ASAP2: variants seen among roughly 807,000 people sequenced by gnomAD.
ASAP2 encodes the protein arf-GAP with SH3 domain, ANK repeat and PH domain-containing protein 2.
In ASAP2, 45 loss-of-function variants were observed where a neutral mutation model predicts 131.4. That is an observed-to-expected ratio of 0.34 (90% CI 0.27 to 0.44). The LOEUF is 0.44. Ranked by LOEUF, ASAP2 falls within the 20% of genes least tolerant of loss-of-function variation. The pLI is 1.00. For missense variants in ASAP2, 1,011 were observed against 1,297.0 expected (o/e 0.78, Z 3.39); for synonymous variants, 510 against 503.0 (o/e 1.01, Z -0.19).
At chr2:9,374,444 T>C (rs2709580) in intron 16 of ASAP2, among the ~76,000 whole-genome samples, 42,133 of 151,520 alleles carry the variant, frequency 0.28, 11,256 homozygotes, top group African/African-American at 0.7. Flanking sequence ...ATAAGAAGGG[T>C]GTGGAGGTGA....
intron 12 of ASAP2, among the ~76,000 whole-genome samples, chr2:9,353,192 T>C (rs1025275994): frequency 1.3e-5 from 2 of 152,142 alleles, no homozygotes; most frequent in Non-Finnish European, 2.9e-5. Flanking sequence ...TTCACCCCTC[T>C]CAGATTCCTC....
intron 22 of ASAP2, 32 bp downstream of exon 22, chr2:9,388,578 A>T: frequency 1.3e-6 from 2 of 1,595,352 alleles, no homozygotes; most frequent in Non-Finnish European, 1.7e-6. Context: ...CTGTGAATAT[A>T]TAGAGGGTCT....
intron 16 of ASAP2, among the ~76,000 whole-genome samples, chr2:9,373,073 A>G (rs1674106624): frequency 6.6e-6 from 1 of 152,152 alleles, no homozygotes; most frequent in South Asian, 2.1e-4. Context: ...CACACAAGTC[A>G]GCCAGCACCG....
At chr2:9,241,415 T>G (rs1035975915) in intron 1 of ASAP2, among the ~76,000 whole-genome samples, 1 of 150,176 alleles carries the variant, frequency 6.7e-6, no homozygotes, top group Non-Finnish European at 1.5e-5. Context: ...TCCTTATCCA[T>G]ATCAGGGTTG....
intron 12 of ASAP2, among the ~76,000 whole-genome samples, chr2:9,354,063 A>G (rs1444205687): frequency 6.6e-6 from 1 of 152,210 alleles, no homozygotes; most frequent in African/African-American, 2.4e-5. Context: ...AGCTCATCTA[A>G]TCCATTGCCT....
intron 1 of ASAP2, among the ~76,000 whole-genome samples, chr2:9,258,342 T>G (rs1665321257): frequency 2.0e-5 from 3 of 151,482 alleles, no homozygotes; most frequent in South Asian, 2.1e-4. Context: ...GTTGTTTTTT[T>G]TTTTTTTTTT....
At chr2:9,394,775 A>T (rs924407602) in intron 24 of ASAP2, among the ~76,000 whole-genome samples, 8 of 152,130 alleles carry the variant, frequency 5.3e-5, no homozygotes, top group African/African-American at 1.9e-4. Context: ...CTGCTGACAG[A>T]TTGTCAGGAA....
intron 12 of ASAP2, among the ~76,000 whole-genome samples, chr2:9,352,838 C>CCCAGTTGGGGG (rs1162420835): frequency 6.6e-6 from 1 of 152,186 alleles, no homozygotes; most frequent in Non-Finnish European, 1.5e-5. Flanking sequence ...GTTTGCTGAG[C>CCCAGTTGGGGG]CCAGTTGGGG....
intron 12 of ASAP2, 151 bp from the exon 13 acceptor site, chr2:9,355,896 G>T: frequency 1.1e-6 from 1 of 871,990 alleles, no homozygotes; most frequent in East Asian, 2.6e-5. Flanking sequence ...GACATTTGGA[G>T]GATATGAGGG....
At chr2:9,364,148 C>A (rs1350051322) in intron 15 of ASAP2, among the ~76,000 whole-genome samples, 4 of 152,150 alleles carry the variant, frequency 2.6e-5, no homozygotes, top group African/African-American at 4.8e-5. Context: ...ATCAATTTCA[C>A]TATCATACAT....
intron 7 of ASAP2, among the ~76,000 whole-genome samples, chr2:9,333,801 C>G (rs1670997730): frequency 6.6e-6 from 1 of 152,168 alleles, no homozygotes; most frequent in African/African-American, 2.4e-5. Context: ...GCACTGAACA[C>G]CAGCCCATGG....
At chr2:9,332,104 A>AT (rs1395396083) in intron 7 of ASAP2, among the ~76,000 whole-genome samples, 1 of 152,104 alleles carries the variant, frequency 6.6e-6, no homozygotes, top group Non-Finnish European at 1.5e-5. Context: ...ATTTTAAAGG[A>AT]TAGAAATACA....
intron 20 of ASAP2, among the ~76,000 whole-genome samples, chr2:9,381,236 G>A (rs1674814806): frequency 6.6e-6 from 1 of 152,200 alleles, no homozygotes; most frequent in Admixed American, 6.5e-5. Context: ...TTCCTGTTCT[G>A]GAAGAAAAGA....
At chr2:9,208,861 CATG>C (rs1661336199) in intron 1 of ASAP2, among the ~76,000 whole-genome samples, 1 of 152,206 alleles carries the variant, frequency 6.6e-6, no homozygotes, top group Non-Finnish European at 1.5e-5. Context: ...AAGCATTGTG[CATG>C]ATGTCTTTCT....
At chr2:9,286,310 A>G (rs1038499318) in intron 2 of ASAP2, among the ~76,000 whole-genome samples, 1 of 152,100 alleles carries the variant, frequency 6.6e-6, no homozygotes, top group Admixed American at 6.5e-5. Flanking sequence ...AGGCAGGAAG[A>G]TTACATGAAC....
chr2:9,317,124 CCA>C (rs1669753644), intron 3 of ASAP2, among the ~76,000 whole-genome samples: 3 of 5,328 alleles, frequency 5.6e-4, no homozygotes, highest in Non-Finnish European at 1.5e-3. Flanking sequence ...GCAATCACAA[CCA>C]CACAACACAC....
At chr2:9,381,641 T>G (rs1674850645) in intron 20 of ASAP2, among the ~76,000 whole-genome samples, 1 of 152,124 alleles carries the variant, frequency 6.6e-6, no homozygotes, top group South Asian at 2.1e-4. Context: ...GAGGCTAAGG[T>G]AGGAGGATCA....
At chr2:9,335,431 G>C (rs1276761179) in intron 9 of ASAP2, among the ~76,000 whole-genome samples, 1 of 152,198 alleles carries the variant, frequency 6.6e-6, no homozygotes, top group Non-Finnish European at 1.5e-5. Flanking sequence ...TGCTCTGTCA[G>C]TTGCTAGATA....
chr2:9,270,461 A>G (rs1347420362), intron 1 of ASAP2, among the ~76,000 whole-genome samples: 1 of 151,934 alleles, frequency 6.6e-6, no homozygotes, highest in African/African-American at 2.4e-5. Flanking sequence ...TACGTGGTAT[A>G]TATTTTTATG....
Sources: gnomAD v4.1 joint callset for allele counts (sites outside exome capture counted in the v4.1 genomes callset) on GRCh38, gnomAD v4.1.1 for gene constraint, MANE v1.5 for transcripts, NCBI Gene and HGNC (gene_info 2026-07-23, HGNC 2026-07-21) for gene names.